PIEZO1: variants seen among roughly 807,000 people sequenced by gnomAD.
PIEZO1 encodes the protein piezo-type mechanosensitive ion channel component 1.
PIEZO1 carries 296 observed loss-of-function variants against 297.2 expected under a neutral mutation model. The observed-to-expected ratio is 1.00, with a 90% CI of 0.91 to 1.10. The LOEUF (loss-of-function observed/expected upper bound fraction) is 1.10. PIEZO1 is among the 50% of genes least tolerant of loss of function. PIEZO1 has a pLI of 0.00. For synonymous variants in PIEZO1, 2,427 were observed against 1,507.5 expected, an observed-to-expected ratio of 1.61 and a Z score of -14.13; for missense variants, 5,018 against 3,455.5, an observed-to-expected ratio of 1.45 and a Z score of -11.34.
chr16:88,768,926 G>T (rs1369047007), intron 1 of PIEZO1, among the ~76,000 whole-genome samples: 1 of 152,218 alleles, frequency 6.6e-6, no homozygotes, highest in Non-Finnish European at 1.5e-5. Flanking sequence ...ATGCACCTTG[G>T]CAAAGCAAGC....
chr16:88,738,169 G>A (rs1166490109), intron 7 of PIEZO1, 58 bp downstream of exon 7: 50 of 1,533,280 alleles, frequency 3.3e-5, no homozygotes, highest in South Asian at 4.8e-5. Context: ...GGGGCTAGAC[G>A]AGCCAGGTGG....
In PIEZO1 at chr16:88,717,200, C is replaced by T. The variant is rs1484216198; in HGVS notation, c.6483G>A (p.Gln2161=). 6.5e-7 allele frequency: 1 copy of T among 1,549,356 alleles called. No homozygotes were observed. Among genetic ancestry groups the T allele is most frequent in the Non-Finnish European group, 8.7e-7 (1 of 1,147,004 alleles). The change falls in exon 45 of 51, where the codon CAG becomes CAA. Residue 2161 remains glutamine (Q), a synonymous_variant. Coordinates refer to ENST00000301015, the MANE Select transcript of PIEZO1 (RefSeq NM_001142864.4). The part of the protein sequence containing the change: ...CSRETEKKYP[Q]PKGQKKKKIV... ...TCTTCTTCTTCTTCTGCCCTTTGGG[C>T]TGCGGGTATTTCTGGAGGGGAACGA...
At position 88,721,347 on chromosome 16, in the gene PIEZO1, C is replaced by T. The variant is rs1368630046; in HGVS notation, c.5487G>A (p.Glu1829=). The part of the protein sequence containing the change: ...KSGEEEQGAE[E]GPGVPAATTE... ...TGGTGGCCGCAGGCACCCCTGGCCC[C>T]TCCTCGGCTCCCTGCTCCTCCTCGC... The change falls in exon 39 of 51, where the codon GAG becomes GAA. Residue 1829 remains glutamate, a synonymous_variant. Transcript: ENST00000301015. The T allele has an allele frequency of 6.5e-7, 1 of 1,548,494 alleles. No individual in the cohort carries two copies. Among genetic ancestry groups the T allele is most frequent in the Admixed American group, 2.0e-5 (1 of 51,000 alleles).
chr16:88,716,641 G>T lies in PIEZO1; in HGVS notation c.6844C>A (p.Pro2282Thr), dbSNP rs889266316. 7 of 1,549,600 alleles carry T rather than the reference G, an allele frequency of 4.5e-6. No homozygotes were observed. In the African/African-American group the frequency reaches 5.5e-5, roughly 12 times the overall value. Residue 2282 changes from proline to threonine, a missense_variant, in exon 47 of 51, where the codon CCC becomes ACC. Transcript: ENST00000301015. Reference protein sequence around the residue: ...GSSGALWRISPPSRAQMKREL... With the variant: ...GSSGALWRISTPSRAQMKREL... ...CGCTTCATCTGGGCACGGCTGGGGGGACTGATGCGCCACAGCGCCCCGGAG... is the reference window on the plus strand; with the variant it reads ...CGCTTCATCTGGGCACGGCTGGGGGTACTGATGCGCCACAGCGCCCCGGAG...
chr16:88,736,469 C>T (rs900842051), intron 11 of PIEZO1, 61 bp from the exon 12 acceptor site: 8 of 1,020,200 alleles, frequency 7.8e-6, no homozygotes, highest in Non-Finnish European at 1.2e-5. Flanking sequence ...ATGCCCCACA[C>T]CTGCGCGGCA....
At chr16:88,749,158 T>A (rs1399284669) in intron 2 of PIEZO1, among the ~76,000 whole-genome samples, 4 of 150,854 alleles carry the variant, frequency 2.7e-5, no homozygotes, top group Non-Finnish European at 5.9e-5. Context: ...GAGAATGGCG[T>A]GAACCTGGGA....
intron 38 of PIEZO1, 22 bp downstream of exon 38, chr16:88,721,516 G>T (rs1028814979): frequency 6.5e-7 from 1 of 1,542,460 alleles, no homozygotes; most frequent in Non-Finnish European, 8.8e-7. Flanking sequence ...GCCCCGCATT[G>T]CCAGCCAAGG....
At chr16:88,772,214 G>A (rs961508930) in intron 1 of PIEZO1, among the ~76,000 whole-genome samples, 1 of 152,228 alleles carries the variant, frequency 6.6e-6, no homozygotes, top group African/African-American at 2.4e-5. Flanking sequence ...CCCAGATCCA[G>A]CACCTGTGTC....
chr16:88,719,862 C>G lies in PIEZO1; in HGVS notation c.6263G>C (p.Arg2088Pro). Residue 2088 changes from arginine (R) to proline (P), a missense_variant, in exon 43 of 51, where the codon CGC (arginine) becomes CCC (proline). Arg to Pro is a moderately radical substitution (Grantham distance 103). Transcript: ENST00000301015. ...AYQIRCGYPT[R>P]ILGNFLTKKY... ...CTTGGTGAGGAAGTTGCCGAGGATG[C>G]GGGTGGGGTAGCCGCAGCGGATCTG... is the stretch of plus-strand genomic sequence containing the variant. The G allele has an allele frequency of 6.4e-7, 1 of 1,550,518 alleles. No individual in the cohort carries two copies.
intron 1 of PIEZO1, among the ~76,000 whole-genome samples, chr16:88,758,335 C>T (rs1022967443): frequency 3.3e-5 from 5 of 152,172 alleles, no homozygotes; most frequent in Non-Finnish European, 7.4e-5. Flanking sequence ...GACAGACCAA[C>T]ATCGTGCTGC....
rs1344863472 is a variant in PIEZO1 at position 88,721,902 on chromosome 16, G to A, written c.5120C>T (p.Ser1707Leu). 21 of 1,550,004 alleles carry A rather than the reference G, an allele frequency of 1.4e-5. No individual in the cohort carries two copies. The highest frequency in any genetic ancestry group is 5.5e-5 in the African/African-American group (4 of 73,048). ...GAAGACGAGCACGGGCAGCACCAGC[G>A]AGCCGGCGGAGGCCGTGACCATGTG... The part of the protein sequence containing the change: ...LNHMVTASAG[S>L]LVLPVLVFLW... The change falls in exon 37 of 51, where the codon TCG (serine) becomes TTG (leucine). Residue 1707 changes from serine (S) to leucine (L), a missense_variant. Physicochemically the swap from Ser to Leu is moderately radical, Grantham distance 145. Transcript: ENST00000301015.
In PIEZO1 at chr16:88,726,565, C is replaced by A; in HGVS notation, c.3778G>T (p.Val1260Phe). The A allele has an allele frequency of 6.5e-7, 1 of 1,549,978 alleles. No homozygotes were observed. Among genetic ancestry groups the A allele is most frequent in the Non-Finnish European group, 8.7e-7 (1 of 1,146,746 alleles). ...CACTCACGGTCATAGTAGCCCTTGA[C>A]GGTGCATACAAGGCTGAAGAGCTGG... is the stretch of plus-strand genomic sequence containing the variant. ...VIQLFSLVCT[V>F]KGYYDPKEMM... Residue 1260 changes from valine (V) to phenylalanine (F), a missense_variant, in exon 26 of 51, where the codon GTC (valine) becomes TTC (phenylalanine). Coordinates refer to ENST00000301015, the MANE Select transcript of PIEZO1 (RefSeq NM_001142864.4).
chr16:88,754,922 G>A (rs573950183), intron 1 of PIEZO1, among the ~76,000 whole-genome samples: 22 of 152,362 alleles, frequency 1.4e-4, no homozygotes, highest in Non-Finnish European at 2.5e-4. Context: ...CCCGCTCCAC[G>A]CCTGCACAGG....
At chr16:88,723,404 C>A in intron 31 of PIEZO1, 76 bp from the exon 32 acceptor site, 2 of 1,496,866 alleles carry the variant, frequency 1.3e-6, no homozygotes, top group Non-Finnish European at 9.0e-7. Context: ...GTTGGGCAAG[C>A]CGGGCGCCAG....
intron 36 of PIEZO1, 54 bp from the exon 37 acceptor site, chr16:88,722,120 G>A (rs566708175): frequency 4.0e-5 from 61 of 1,525,274 alleles, no homozygotes; most frequent in African/African-American, 3.2e-4. Flanking sequence ...AAGGCATGAC[G>A]GCCCGATCTG....
intron 10 of PIEZO1, 79 bp from the exon 11 acceptor site, chr16:88,736,818 C>T (rs1273899170): frequency 3.3e-6 from 3 of 918,478 alleles, no homozygotes; most frequent in African/African-American, 3.4e-5. Flanking sequence ...AAAATCTGGG[C>T]CCTGGGCAAG....
At chr16:88,722,710 CT>C (rs1567662781) in intron 34 of PIEZO1, 21 bp from the exon 35 acceptor site, 2 of 1,533,032 alleles carry the variant, frequency 1.3e-6, no homozygotes, top group African/African-American at 2.7e-5. Context: ...CAGCAGGGGG[CT>C]CAGGGCTGCG....
At chr16:88,724,269 G>A (rs925024735) in intron 30 of PIEZO1, among the ~76,000 whole-genome samples, 1 of 152,236 alleles carries the variant, frequency 6.6e-6, no homozygotes, top group Non-Finnish European at 1.5e-5. Context: ...GGTGGCTGAC[G>A]CCTGTAATCC....
Position 88,720,614 on chromosome 16 carries a change from A to G in PIEZO1, c.5801+2T>C. The G allele has an allele frequency of 6.5e-7, 1 of 1,534,408 alleles. No homozygotes were observed. Reference sequence around the variant, plus strand: ...CAGCTGCCCCCGGCCGCCATCACTCACAGGGACAGGCAGAAGCCCTGCAGC... The same window carrying G: ...CAGCTGCCCCCGGCCGCCATCACTCGCAGGGACAGGCAGAAGCCCTGCAGC... On this transcript the variant is annotated splice_donor_variant, in intron 40 of 50. Coordinates refer to ENST00000301015, the MANE Select transcript of PIEZO1 (RefSeq NM_001142864.4). LOFTEE classifies it high-confidence loss of function.
Sources: gnomAD v4.1 joint callset for allele counts (sites outside exome capture counted in the v4.1 genomes callset) on GRCh38, gnomAD v4.1.1 for gene constraint, MANE v1.5 for transcripts, NCBI Gene and HGNC (gene_info 2026-07-23, HGNC 2026-07-21) for gene names.